Variants in IMMP2L observed in about 807,000 individuals in gnomAD.
IMMP2L encodes inner mitochondrial membrane peptidase subunit 2, also known as mitochondrial inner membrane protease subunit 2.
A neutral mutation model predicts 19.3 loss-of-function variants in IMMP2L; 18 were observed. That is an observed-to-expected ratio of 0.93 (90% CI 0.64 to 1.38). IMMP2L has a LOEUF of 1.38. IMMP2L is among the 40% of genes most tolerant of loss of function. The probability of loss-of-function intolerance (pLI) is 0.00; values close to 1 mark genes in which losing one functional copy is unlikely to be tolerated. For missense variants in IMMP2L, 233 were observed against 218.2 expected (o/e 1.07, Z -0.43); for synonymous variants, 76 against 73.0 (o/e 1.04, Z -0.21).
chr7:111,039,827 T>C (rs1172753882), intron 3 of IMMP2L, among the ~76,000 whole-genome samples: 2 of 152,158 alleles, frequency 1.3e-5, no homozygotes, highest in Non-Finnish European at 2.9e-5. Flanking sequence ...TACCACTGCA[T>C]TGCAGCAGCA....
chr7:111,397,139 T>C (rs373074507), intron 3 of IMMP2L, among the ~76,000 whole-genome samples: 2 of 151,972 alleles, frequency 1.3e-5, no homozygotes, highest in Non-Finnish European at 2.9e-5. Context: ...TCACTTATAA[T>C]AGACATATTT....
intron 5 of IMMP2L, among the ~76,000 whole-genome samples, chr7:110,885,176 A>AT (rs532007143): frequency 0.018 from 2,699 of 150,302 alleles, 78 homozygotes; most frequent in African/African-American, 0.061. Context: ...CAAATTTTGG[A>AT]TTTTTTTTTT....
chr7:111,354,585 T>TA (rs56230208), intron 3 of IMMP2L, among the ~76,000 whole-genome samples: 46 of 146,710 alleles, frequency 3.1e-4, no homozygotes, highest in Admixed American at 5.5e-4. Context: ...TATAAGGCTT[T>TA]AAAAAAAAAA....
intron 4 of IMMP2L, among the ~76,000 whole-genome samples, chr7:110,956,539 A>G (rs1818372890): frequency 6.6e-6 from 1 of 152,004 alleles, no homozygotes; most frequent in East Asian, 1.9e-4. Context: ...TAGTAGGGCA[A>G]CCATTTGTTT....
rs1800968089 is a variant in IMMP2L, at chr7:111,123,948, T to C, written c.240-160383A>G. The C allele has an allele frequency of 1.2e-6, 2 of 1,613,864 alleles. No homozygotes were observed. The highest frequency in any genetic ancestry group is 1.7e-6 in the Non-Finnish European group (2 of 1,180,008). Reference sequence around the variant, plus strand: ...CCAACATTCGATTCATGGAGCCAGATTCACTGTTTTGCGTGGACCCACCTG... The same window carrying C: ...CCAACATTCGATTCATGGAGCCAGACTCACTGTTTTGCGTGGACCCACCTG... On this transcript the variant is annotated intron_variant, in intron 3 of 5. Coordinates refer to ENST00000405709, the MANE Select transcript of IMMP2L (RefSeq NM_032549.4). This position sits in a 1 kb window ranked among gnomAD's most constrained non-coding sequence, Gnocchi z 6.4.
chr7:111,521,649 C>T (rs1846343097), intron 1 of IMMP2L, among the ~76,000 whole-genome samples, 200 bp from the exon 2 acceptor site: 1 of 152,132 alleles, frequency 6.6e-6, no homozygotes, highest in African/African-American at 2.4e-5. Flanking sequence ...CAGGTTAATG[C>T]TTTTCCACAA....
At chr7:111,493,557 T>C (rs559346660) in intron 2 of IMMP2L, among the ~76,000 whole-genome samples, 1 of 149,742 alleles carries the variant, frequency 6.7e-6, no homozygotes, top group East Asian at 2.0e-4. Flanking sequence ...AAAAAAAAAT[T>C]AGCCGGGCGT....
intron 3 of IMMP2L, among the ~76,000 whole-genome samples, chr7:111,096,740 C>G (rs1403040276): frequency 2.6e-5 from 4 of 151,808 alleles, no homozygotes; most frequent in Non-Finnish European, 4.4e-5. Context: ...TTAAGAACCC[C>G]CAATGGATCA....
chr7:110,677,381 G>C (rs1792388214), intron 5 of IMMP2L, among the ~76,000 whole-genome samples: 1 of 152,080 alleles, frequency 6.6e-6, no homozygotes, highest in Admixed American at 6.6e-5. Context: ...TTTTAAACAT[G>C]TATTAACATA....
chr7:111,032,150 A>G (rs1303969561), intron 3 of IMMP2L, among the ~76,000 whole-genome samples: 1 of 152,108 alleles, frequency 6.6e-6, no homozygotes, highest in Non-Finnish European at 1.5e-5. Context: ...TATGTTGCCT[A>G]GGCAGATCTC....
intron 5 of IMMP2L, among the ~76,000 whole-genome samples, chr7:110,681,901 G>GA (rs1168337154): frequency 2.7e-5 from 4 of 150,586 alleles, no homozygotes; most frequent in East Asian, 1.9e-4. Context: ...TCAATCTGAA[G>GA]AAAAAAAAAT....
At chr7:110,875,986 T>C (rs557657726) in intron 5 of IMMP2L, among the ~76,000 whole-genome samples, 1 of 152,150 alleles carries the variant, frequency 6.6e-6, no homozygotes, top group African/African-American at 2.4e-5. Context: ...GGGAGATGAA[T>C]GTAACTTGAA....
At chr7:110,845,250 T>C (rs1283543791) in intron 5 of IMMP2L, among the ~76,000 whole-genome samples, 1 of 152,168 alleles carries the variant, frequency 6.6e-6, no homozygotes, top group Non-Finnish European at 1.5e-5. Context: ...AGGTTAATGT[T>C]TATTTATAAA....
At chr7:111,432,883 T>C (rs1836771587) in intron 3 of IMMP2L, among the ~76,000 whole-genome samples, 1 of 150,264 alleles carries the variant, frequency 6.7e-6, no homozygotes, top group African/African-American at 2.5e-5. Flanking sequence ...CAGAAATCAG[T>C]AGCATTTCTA....
intron 5 of IMMP2L, among the ~76,000 whole-genome samples, chr7:110,804,233 T>C (rs1801460854): frequency 6.6e-6 from 1 of 152,082 alleles, no homozygotes; most frequent in South Asian, 2.1e-4. Flanking sequence ...ATTTAAATGC[T>C]AGATCCTTCT....
chr7:110,798,551 T>C (rs1465654423), intron 5 of IMMP2L, among the ~76,000 whole-genome samples: 1 of 152,008 alleles, frequency 6.6e-6, no homozygotes, highest in Non-Finnish European at 1.5e-5. Flanking sequence ...GCATTCATAT[T>C]AGTAACATAT....
At chr7:111,416,648 T>C (rs1834981355) in intron 3 of IMMP2L, among the ~76,000 whole-genome samples, 1 of 151,820 alleles carries the variant, frequency 6.6e-6, no homozygotes, top group Non-Finnish European at 1.5e-5. Flanking sequence ...TTAATATGAT[T>C]GGTTCTAATA....
intron 2 of IMMP2L, among the ~76,000 whole-genome samples, chr7:111,498,954 AG>A (rs931906155): frequency 4.6e-5 from 7 of 151,948 alleles, no homozygotes; most frequent in African/African-American, 1.2e-4. Flanking sequence ...GCAGATAAAA[AG>A]GGGGAAAAAA....
chr7:111,370,281 T>C (rs533644606), intron 3 of IMMP2L, among the ~76,000 whole-genome samples: 2 of 152,060 alleles, frequency 1.3e-5, no homozygotes, highest in South Asian at 2.1e-4. Context: ...TTCTCTATGA[T>C]CCTTAATTTC....
Sources: gnomAD v4.1 joint callset for allele counts (sites outside exome capture counted in the v4.1 genomes callset) on GRCh38, gnomAD v4.1.1 for gene constraint, Gnocchi (gnomAD v3.1) non-coding constraint, MANE v1.5 for transcripts, NCBI Gene and HGNC (gene_info 2026-07-23, HGNC 2026-07-21) for gene names.